The following PPP1R13B variants were observed in gnomAD, a reference collection of about 807,000 sequenced individuals.
The protein encoded by PPP1R13B is apoptosis-stimulating of p53 protein 1.
PPP1R13B carries 44 observed loss-of-function variants against 119.8 expected under a neutral mutation model. The ratio of observed to expected loss-of-function variants is 0.37; its 90% CI spans 0.29 to 0.47. The LOEUF (loss-of-function observed/expected upper bound fraction) is 0.47. PPP1R13B is among the 20% of genes least tolerant of loss of function. The pLI is 0.99. For synonymous variants in PPP1R13B, 542 were observed against 561.5 expected (o/e 0.97, Z 0.49); for missense variants, 1,227 against 1,413.5 (o/e 0.87, Z 2.12).
chr14:103,834,385 T>C (rs1448623485), intron 1 of PPP1R13B, among the ~76,000 whole-genome samples: 1 of 151,636 alleles, frequency 6.6e-6, no homozygotes, highest in Admixed American at 6.6e-5. Flanking sequence ...CAAAAACTAG[T>C]AAGTACTACA....
At chr14:103,735,913 C>G in intron 16 of PPP1R13B, 90 bp downstream of exon 16, 1 of 1,419,480 alleles carries the variant, frequency 7.0e-7, no homozygotes, top group Non-Finnish European at 9.7e-7. Flanking sequence ...AGAAGCGAAG[C>G]CTCCCTCCCC....
chr14:103,811,392 G>A (rs1231428989), intron 1 of PPP1R13B, among the ~76,000 whole-genome samples: 3 of 152,158 alleles, frequency 2.0e-5, no homozygotes, highest in Non-Finnish European at 2.9e-5. Context: ...GCCAGGTGTG[G>A]TGGTTCACAC....
chr14:103,754,004 T>C, intron 6 of PPP1R13B, 66 bp downstream of exon 6: 1 of 1,534,026 alleles, frequency 6.5e-7, no homozygotes, highest in South Asian at 1.2e-5. Flanking sequence ...GTCAGGCAGT[T>C]AGACTATGTT....
intron 8 of PPP1R13B, chr14:103,747,519 T>TA (rs2084416424): frequency 8.2e-6 from 1 of 122,052 alleles, no homozygotes; most frequent in Non-Finnish European, 2.0e-5. Context: ...TGAGATTAAC[T>TA]TTTTTTTTTT....
Position 103,738,809 on chromosome 14 carries a change from C to T in PPP1R13B, c.2734G>A (p.Glu912Lys), listed in dbSNP as rs1293981705. The T allele has an allele frequency of 1.2e-6, 2 of 1,614,092 alleles. No individual in the cohort carries two copies. The highest frequency in any genetic ancestry group is 3.3e-5 in the Admixed American group (2 of 60,022). The change falls in exon 14 of 17, where the codon GAA becomes AAA. Residue 912 changes from glutamate (E) to lysine (K), a missense_variant. Glu to Lys is a moderately conservative substitution (Grantham distance 56). Transcript: ENST00000202556. This position sits in a 1 kb window ranked among gnomAD's most constrained non-coding sequence, Gnocchi z 5.6. ...DLVQRIIYEV[E>K]DPSKPNDEGI... ...TCGTCGTTGGGCTTGCTGGGATCTTCCACCTAGGACACACGGCCTGTGAGC... is the reference window on the plus strand; with the variant it reads ...TCGTCGTTGGGCTTGCTGGGATCTTTCACCTAGGACACACGGCCTGTGAGC...
intron 2 of PPP1R13B, among the ~76,000 whole-genome samples, chr14:103,792,269 G>A (rs1488522351): frequency 2.6e-5 from 4 of 151,816 alleles, no homozygotes; most frequent in Admixed American, 6.6e-5. Flanking sequence ...AAGTGCAGTG[G>A]TGTGATCAAG....
chr14:103,746,348 C>G (rs200383252), intron 9 of PPP1R13B, 25 bp downstream of exon 9: 14,261 of 1,215,152 alleles, frequency 0.012, 109 homozygotes, highest in Middle Eastern at 0.029. Context: ...AACTCTCCCC[C>G]AGGAAGAGGG....
chr14:103,760,223 C>T (rs1412592585), intron 4 of PPP1R13B, among the ~76,000 whole-genome samples: 1 of 152,108 alleles, frequency 6.6e-6, no homozygotes, highest in African/African-American at 2.4e-5. Context: ...AAAATGAAAA[C>T]TCTTCAATGC....
chr14:103,794,673 A>C (rs1391668421), intron 2 of PPP1R13B: 1 of 444,180 alleles, frequency 2.3e-6, no homozygotes, highest in Non-Finnish European at 4.5e-6. Context: ...CCTAAAAAAA[A>C]AAAAATCTCT....
upstream of PPP1R13B, among the ~76,000 whole-genome samples, chr14:103,848,807 G>A (rs1567171070): frequency 7.1e-6 from 1 of 140,778 alleles, no homozygotes; most frequent in Non-Finnish European, 1.5e-5. Context: ...GCTCGTGTTT[G>A]CGAGTGTGGA....
At chr14:103,822,681 C>T (rs1158930519) in intron 1 of PPP1R13B, among the ~76,000 whole-genome samples, 3 of 152,056 alleles carry the variant, frequency 2.0e-5, no homozygotes, top group East Asian at 2.0e-4. Context: ...GGTGTGGTGG[C>T]GCACGCCTGT....
intron 1 of PPP1R13B, among the ~76,000 whole-genome samples, chr14:103,807,466 G>A (rs961805874): frequency 1.3e-5 from 2 of 152,120 alleles, no homozygotes; most frequent in African/African-American, 2.4e-5. Flanking sequence ...CACGTAAGAA[G>A]CACTCAATAA....
At chr14:103,796,397 G>A (rs1180093907) in intron 2 of PPP1R13B, among the ~76,000 whole-genome samples, 1 of 152,110 alleles carries the variant, frequency 6.6e-6, no homozygotes, top group Admixed American at 6.6e-5. Context: ...AGTCATTAGG[G>A]AAATGCAAAT....
chr14:103,778,588 T>C lies in PPP1R13B; in HGVS notation c.354+157A>G, dbSNP rs546644046. 20 of 629,396 alleles carry C rather than the reference T, an allele frequency of 3.2e-5. No individual in the cohort carries two copies. In the East Asian group the frequency reaches 5.2e-4, roughly 16 times the overall value. The allele number at this position is 629,396 out of a possible 1,614,324, so 39.0% of individuals were successfully genotyped here. On this transcript the variant is annotated intron_variant, in intron 4 of 16. Transcript: ENST00000202556. Reference sequence around the variant, plus strand: ...CTGATTAATTTTTTAAAACCTTTTATAGACAGAGGGTCTCACCATCTTGCT... The same window carrying C: ...CTGATTAATTTTTTAAAACCTTTTACAGACAGAGGGTCTCACCATCTTGCT...
intron 1 of PPP1R13B, chr14:103,818,613 C>G (rs2086332755): frequency 2.1e-6 from 1 of 472,918 alleles, no homozygotes; most frequent in Admixed American, 6.4e-5. Context: ...ATTCTTTCTC[C>G]TCTTCTCTGG....
intron 1 of PPP1R13B, among the ~76,000 whole-genome samples, chr14:103,810,705 C>T (rs1251984795): frequency 6.6e-6 from 1 of 151,244 alleles, no homozygotes; most frequent in Non-Finnish European, 1.5e-5. Context: ...CGGGAGGTGG[C>T]GCTTGCAGTG....
At chr14:103,765,923 A>G (rs1017804016) in intron 4 of PPP1R13B, among the ~76,000 whole-genome samples, 1 of 151,940 alleles carries the variant, frequency 6.6e-6, no homozygotes, top group Non-Finnish European at 1.5e-5. Context: ...AGACATTTAC[A>G]TATACCCAAG....
chr14:103,842,401 C>T (rs2152088835), intron 1 of PPP1R13B, among the ~76,000 whole-genome samples: 1 of 148,904 alleles, frequency 6.7e-6, no homozygotes, highest in South Asian at 2.1e-4. Flanking sequence ...CTCCCAGGTT[C>T]AAGCGTTTCT....
intron 2 of PPP1R13B, among the ~76,000 whole-genome samples, chr14:103,787,517 T>TAA (rs1320546546): frequency 5.8e-5 from 8 of 137,776 alleles, no homozygotes; most frequent in Admixed American, 2.2e-4. Flanking sequence ...AGCTGGCATA[T>TAA]AAAAAAAAAA....
Sources: allele counts gnomAD v4.1 joint callset (sites outside exome capture counted in the v4.1 genomes callset), GRCh38; gene constraint gnomAD v4.1.1; non-coding constraint Gnocchi (gnomAD v3.1); transcripts MANE v1.5; gene names NCBI Gene and HGNC (gene_info 2026-07-23, HGNC 2026-07-21).